PPM1G: variants seen among roughly 807,000 people sequenced by gnomAD.
The protein encoded by PPM1G is protein phosphatase 1G.
PPM1G carries 12 observed loss-of-function variants against 59.4 expected under a neutral mutation model. The observed-to-expected ratio is 0.20, with a 90% confidence interval of 0.13 to 0.33. The LOEUF is 0.33. Among genes scored for constraint, PPM1G ranks in the 10% least tolerant of loss-of-function variants. PPM1G has a pLI of 1.00. For missense variants in PPM1G, 392 were observed against 681.3 expected (o/e 0.58, Z 4.73); for synonymous variants, 245 against 251.9 (o/e 0.97, Z 0.26).
In PPM1G at chr2:27,381,374, A is replaced by G. The variant is rs1683620387; in HGVS notation, c.*225T>C. 6 of 584,166 alleles carry G rather than the reference A, an allele frequency of 1.0e-5. 1 individual carries two copies. In the South Asian group the frequency reaches 1.2e-4, roughly 12 times the overall value. The allele number at this position is 584,166 out of a possible 1,614,324, so 36.2% of individuals were successfully genotyped here. On this transcript the variant is annotated 3_prime_UTR_variant, in exon 10 of 10. Coordinates refer to ENST00000344034, the MANE Select transcript of PPM1G (RefSeq NM_177983.3). ...CTCCAACACAACAGAGCACAGGCAC[A>G]GAACCGGTGATGAGCCCGAGGAGCA...
intron 1 of PPM1G, 59 bp from the exon 2 acceptor site, chr2:27,387,217 T>C (rs1334961931): frequency 1.6e-5 from 22 of 1,405,030 alleles, no homozygotes; most frequent in African/African-American, 2.8e-5. Context: ...CCTCAGGTCA[T>C]AGGGATCAAT....
intron 1 of PPM1G, among the ~76,000 whole-genome samples, chr2:27,392,277 G>GT (rs1683923145): frequency 1.0e-5 from 1 of 99,780 alleles, no homozygotes; most frequent in Non-Finnish European, 2.0e-5. Flanking sequence ...TGTTTTGTTG[G>GT]TTTGTTTTGT....
chr2:27,404,338 G>T (rs1663284546), intron 1 of PPM1G, among the ~76,000 whole-genome samples: 1 of 151,774 alleles, frequency 6.6e-6, no homozygotes, highest in South Asian at 2.1e-4. Flanking sequence ...ACAACGTCAG[G>T]AGTCTTGAGA....
Position 27,409,342 on chromosome 2 carries a change from G to A in PPM1G, c.81C>T (p.Tyr27=), listed in dbSNP as rs1489349608. Residue 27 remains tyrosine, a synonymous_variant, in exon 1 of 10, where the codon TAC becomes TAT. Transcript: ENST00000344034. ...GVGAPRLPLP[Y]GFSAMQGWRV... is the part of the protein sequence containing the mutation. ...GCCAGCCTTGCATGGCGGAGAAGCCGTAGGGCAGCGGCAGGCGCGGGGCGC... is the reference window on the plus strand; with the variant it reads ...GCCAGCCTTGCATGGCGGAGAAGCCATAGGGCAGCGGCAGGCGCGGGGCGC... 1.3e-6 allele frequency: 2 copies of A among 1,543,764 alleles called. No individual in the cohort carries two copies. Among genetic ancestry groups the A allele is most frequent in the Non-Finnish European group, 1.7e-6 (2 of 1,144,568 alleles).
intron 1 of PPM1G, among the ~76,000 whole-genome samples, chr2:27,398,932 G>T (rs1483829487): frequency 6.6e-6 from 1 of 151,924 alleles, no homozygotes; most frequent in African/African-American, 2.4e-5. Flanking sequence ...ATCACCTGAG[G>T]TCAGTAGTTC....
chr2:27,405,312 C>A (rs1244043996), intron 1 of PPM1G, among the ~76,000 whole-genome samples: 1 of 152,048 alleles, frequency 6.6e-6, no homozygotes, highest in Non-Finnish European at 1.5e-5. Context: ...ATCTCGTGAT[C>A]CGCCCACCTC....
At chr2:27,386,945 C>T (rs1229161268) in intron 2 of PPM1G, 144 bp downstream of exon 2, 1 of 637,954 alleles carries the variant, frequency 1.6e-6, no homozygotes, top group East Asian at 2.8e-5. Context: ...AAAAGAATGA[C>T]AGAATACAGA....
At chr2:27,392,290 T>TTTTG in intron 1 of PPM1G, among the ~76,000 whole-genome samples, 2 of 85,890 alleles carry the variant, frequency 2.3e-5, no homozygotes, top group African/African-American at 9.8e-5. Flanking sequence ...TGTTTTGTTT[T>TTTTG]TTTTTTTTTT....
intron 2 of PPM1G, 139 bp from the exon 3 acceptor site, chr2:27,386,418 G>T: frequency 1.8e-6 from 1 of 570,570 alleles, no homozygotes. Context: ...CCTATTTGAA[G>T]GACACTGTTT....
chr2:27,390,208 C>T (rs748462079), intron 1 of PPM1G, among the ~76,000 whole-genome samples: 16 of 152,152 alleles, frequency 1.1e-4, no homozygotes, highest in South Asian at 4.1e-4. Context: ...TCAGTAGAGA[C>T]GGGGCTTCAC....
At chr2:27,381,859 A>G in intron 9 of PPM1G, 54 bp from the exon 10 acceptor site, 1 of 1,562,906 alleles carries the variant, frequency 6.4e-7, no homozygotes. Flanking sequence ...CTTGCCAGGA[A>G]TCTACAGTCC....
In PPM1G at chr2:27,381,813, A is replaced by G. The variant is rs1188209665; in HGVS notation, c.1435-8T>C. 2 of 1,611,936 alleles carry G rather than the reference A, an allele frequency of 1.2e-6. No homozygotes were observed. The highest frequency in any genetic ancestry group is 2.7e-5 in the African/African-American group (2 of 74,816). Reference sequence around the variant, plus strand: ...CAGGCACTGATCCAGCAGCTAAGAAAGGGATGGGGGTAGCTCAGCCACAGG... The same window carrying G: ...CAGGCACTGATCCAGCAGCTAAGAAGGGGATGGGGGTAGCTCAGCCACAGG... On this transcript the variant is annotated splice_polypyrimidine_tract_variant and splice_region_variant and intron_variant, in intron 9 of 9. Transcript: ENST00000344034.
At chr2:27,397,722 A>C (rs1283419470) in intron 1 of PPM1G, among the ~76,000 whole-genome samples, 1 of 152,216 alleles carries the variant, frequency 6.6e-6, no homozygotes, top group Non-Finnish European at 1.5e-5. Flanking sequence ...TTAAAAAATT[A>C]GCCCAGTATG....
rs1298102014 is a variant in PPM1G at position 27,385,234 on chromosome 2, A to T, written c.410-146T>A. 1.7e-5 allele frequency: 15 copies of T among 890,546 alleles called. No individual in the cohort carries two copies. The Admixed American group carries it at 4.8e-4, about 28-fold the overall frequency. The allele number at this position is 890,546 out of a possible 1,614,324, so 55.2% of individuals were successfully genotyped here. On this transcript the variant is annotated intron_variant, in intron 4 of 9. Transcript: ENST00000344034. The surrounding 1 kb of genome is among the most constrained non-coding windows in gnomAD (Gnocchi z 4.1). ...CCTCTCGCTCAAGTCTCAGAAGAAC[A>T]TGCCCTAGCTCCTCCTCCTCCACAG...
chr2:27,395,745 G>A (rs939865007), intron 1 of PPM1G, among the ~76,000 whole-genome samples: 49 of 151,660 alleles, frequency 3.2e-4, no homozygotes, highest in African/African-American at 1.1e-3. Flanking sequence ...TGTGGAGGCT[G>A]AGGTGGCAGG....
intron 1 of PPM1G, among the ~76,000 whole-genome samples, chr2:27,389,734 CAGG>C (rs1269008843): frequency 6.6e-6 from 1 of 152,122 alleles, no homozygotes; most frequent in Non-Finnish European, 1.5e-5. Context: ...GGAAGGTAGG[CAGG>C]AGGACTGATT....
At position 27,409,587 on chromosome 2, in the gene PPM1G, G is replaced by A. The variant is rs1663469028; in HGVS notation, c.-165C>T. ...GCCAGGAGGCGGTAACGGGACGGGAGCTGTGAGGGAGCGGAAGCGGAAACG... is the reference window on the plus strand; with the variant it reads ...GCCAGGAGGCGGTAACGGGACGGGAACTGTGAGGGAGCGGAAGCGGAAACG... On this transcript the variant is annotated 5_prime_UTR_variant, in exon 1 of 10. Coordinates refer to ENST00000344034, the MANE Select transcript of PPM1G (RefSeq NM_177983.3). 6.7e-6 allele frequency: 6 copies of A among 890,578 alleles called. No homozygotes were observed. Among genetic ancestry groups the A allele is most frequent in the Non-Finnish European group, 9.1e-6 (6 of 660,890 alleles). 55.2% of individuals were successfully genotyped at this position (890,578 alleles called of 1,614,324 possible).
chr2:27,391,799 T>A (rs1683912853), intron 1 of PPM1G, among the ~76,000 whole-genome samples: 1 of 151,390 alleles, frequency 6.6e-6, no homozygotes, highest in Non-Finnish European at 1.5e-5. Flanking sequence ...TGGCGCGATC[T>A]CGGCTCATCA....
intron 1 of PPM1G, among the ~76,000 whole-genome samples, chr2:27,401,461 T>A (rs1050074723): frequency 1.3e-5 from 2 of 152,194 alleles, no homozygotes; most frequent in Non-Finnish European, 2.9e-5. Flanking sequence ...GAGTGACTGG[T>A]AAAGAGTACA....
Sources: allele counts gnomAD v4.1 joint callset (sites outside exome capture counted in the v4.1 genomes callset), GRCh38; gene constraint gnomAD v4.1.1; non-coding constraint Gnocchi (gnomAD v3.1); transcripts MANE v1.5; gene names NCBI Gene and HGNC (gene_info 2026-07-23, HGNC 2026-07-21).